MINDY4: variants seen among roughly 807,000 people sequenced by gnomAD.
MINDY4 encodes the protein MINDY lysine 48 deubiquitinase 4.
In MINDY4, 68 loss-of-function variants were observed where a neutral mutation model predicts 87.0. The observed-to-expected ratio is 0.78, with a 90% CI of 0.64 to 0.96. MINDY4 has a LOEUF of 0.96. Ranked by LOEUF, MINDY4 falls within the 40% of genes least tolerant of loss-of-function variation. The probability of loss-of-function intolerance (pLI) is 0.00; values close to 1 mark genes in which losing one functional copy is unlikely to be tolerated. For missense variants in MINDY4, 919 were observed against 928.2 expected (o/e 0.99, Z 0.13); for synonymous variants, 379 against 363.2 (o/e 1.04, Z -0.50).
In MINDY4 at chr7:30,872,267, C is replaced by T; in HGVS notation, c.1770C>T (p.Pro590=). 2 of 1,614,150 alleles carry T rather than the reference C, an allele frequency of 1.2e-6. No individual in the cohort carries two copies. Among genetic ancestry groups the T allele is most frequent in the East Asian group, 4.5e-5 (2 of 44,888 alleles). Residue 590 remains proline (P), a synonymous_variant, in exon 14 of 18, where the codon CCC becomes CCT. Transcript: ENST00000265299. ...GCATCCGCCAGGACTTTGATGTCCC[C>T]ACCAGCCACCTGATTGGAGCACATG... is the stretch of plus-strand genomic sequence containing the variant. ...TELIRQDFDV[P]TSHLIGAHGY...
In MINDY4 at chr7:30,872,226, C is replaced by A. The variant is rs747646353; in HGVS notation, c.1746-17C>A. The A allele has an allele frequency of 5.0e-5, 80 of 1,613,746 alleles. No homozygotes were observed. Among genetic ancestry groups the A allele is most frequent in the Non-Finnish European group, 6.4e-5 (76 of 1,179,834 alleles). On this transcript the variant is annotated splice_polypyrimidine_tract_variant and intron_variant, in intron 13 of 17. Coordinates refer to ENST00000265299, the MANE Select transcript of MINDY4 (RefSeq NM_032222.3). ...GTCAGGCAGAGCTGTGCTAACAATG[C>A]TTCTTGTGTTTTCCAGCATCCGCCA...
intron 5 of MINDY4, among the ~76,000 whole-genome samples, chr7:30,799,038 G>T (rs1054794051): frequency 1.3e-5 from 2 of 152,096 alleles, no homozygotes; most frequent in Non-Finnish European, 2.9e-5. Context: ...ACTGTCTAAG[G>T]ACAGTAAAAG....
chr7:30,880,703 G>C (rs7783146), intron 15 of MINDY4, among the ~76,000 whole-genome samples: 1 of 152,156 alleles, frequency 6.6e-6, no homozygotes, highest in African/African-American at 2.4e-5. Flanking sequence ...GTCCAGCCAC[G>C]TCCTGTAAGA....
chr7:30,881,164 C>T (rs1156979058), intron 15 of MINDY4, among the ~76,000 whole-genome samples: 1 of 152,144 alleles, frequency 6.6e-6, no homozygotes. Context: ...TAAACCAGGG[C>T]CCAGGGTCAG....
chr7:30,841,717 C>G (rs924679651), intron 9 of MINDY4, among the ~76,000 whole-genome samples: 1 of 152,164 alleles, frequency 6.6e-6, no homozygotes, highest in Non-Finnish European at 1.5e-5. Flanking sequence ...TATCACAAAA[C>G]CGCACACCCA....
intron 4 of MINDY4, among the ~76,000 whole-genome samples, chr7:30,786,958 A>C (rs949691654): frequency 1.3e-5 from 2 of 152,234 alleles, no homozygotes; most frequent in African/African-American, 2.4e-5. Context: ...AGCCTGAGCC[A>C]ATCAAAAACA....
intron 13 of MINDY4, among the ~76,000 whole-genome samples, chr7:30,859,818 A>AGG (rs1199476365): frequency 1.3e-5 from 2 of 152,116 alleles, no homozygotes; most frequent in Non-Finnish European, 2.9e-5. Context: ...GAGAGGTGGC[A>AGG]GGGCGGCTTG....
chr7:30,871,323 G>A (rs1790101031), intron 13 of MINDY4, among the ~76,000 whole-genome samples: 1 of 152,246 alleles, frequency 6.6e-6, no homozygotes, highest in Non-Finnish European at 1.5e-5. Context: ...TGAGTAGATA[G>A]CAGCTCCTTC....
chr7:30,807,764 AATT>A (rs1298132435), intron 5 of MINDY4, among the ~76,000 whole-genome samples: 1 of 152,116 alleles, frequency 6.6e-6, no homozygotes, highest in Admixed American at 6.5e-5. Context: ...GTTCTGTTCT[AATT>A]ACCGGTGCAT....
chr7:30,825,135 A>G (rs569090259), intron 5 of MINDY4, among the ~76,000 whole-genome samples: 2 of 152,326 alleles, frequency 1.3e-5, no homozygotes, highest in Admixed American at 1.3e-4. Context: ...AAGTGTTTTG[A>G]GTCCCTTGAT....
At chr7:30,844,104 G>T (rs1458938887) in intron 9 of MINDY4, among the ~76,000 whole-genome samples, 1 of 152,160 alleles carries the variant, frequency 6.6e-6, no homozygotes, top group East Asian at 1.9e-4. Context: ...CCTGGACTGG[G>T]TGCTGCTTGT....
At chr7:30,829,838 C>T (rs149737262) in intron 6 of MINDY4, among the ~76,000 whole-genome samples, 203 of 152,304 alleles carry the variant, frequency 1.3e-3, no homozygotes, top group African/African-American at 4.4e-3. Context: ...ACAAGAAAAG[C>T]GGTTCCTGGT....
In MINDY4 at chr7:30,875,581, C is replaced by T. The variant is rs1353761310; in HGVS notation, c.1896C>T (p.Ile632=). Residue 632 remains isoleucine (I), a synonymous_variant, in exon 15 of 18, where the codon ATC becomes ATT. Coordinates refer to ENST00000265299, the MANE Select transcript of MINDY4 (RefSeq NM_032222.3). ...AGCTGGATTCTGGGGATGGGAACAT[C>T]ACACTTCTCAGAGGCATTGCTGCAC... The part of the protein sequence containing the change: ...VVELDSGDGN[I]TLLRGIAARS... 1 of 1,614,220 alleles carries T rather than the reference C, an allele frequency of 6.2e-7. No homozygotes were observed. The highest frequency in any genetic ancestry group is 1.7e-5 in the Admixed American group (1 of 60,020).
intron 5 of MINDY4, among the ~76,000 whole-genome samples, chr7:30,819,376 A>G (rs1012007696): frequency 6.6e-6 from 1 of 152,176 alleles, no homozygotes; most frequent in East Asian, 1.9e-4. Context: ...TTGTAATCAG[A>G]AACACAGTTT....
At chr7:30,819,227 C>G (rs944225876) in intron 5 of MINDY4, among the ~76,000 whole-genome samples, 3 of 152,096 alleles carry the variant, frequency 2.0e-5, no homozygotes, top group African/African-American at 7.2e-5. Flanking sequence ...TCCCGTAAGA[C>G]TTTATAAGTT....
intron 11 of MINDY4, 76 bp from the exon 12 acceptor site, chr7:30,853,318 G>T: frequency 8.0e-7 from 1 of 1,257,352 alleles, no homozygotes; most frequent in South Asian, 1.3e-5. Flanking sequence ...ACTAAAGCCA[G>T]GGAGCAGAAG....
chr7:30,859,017 C>G (rs1345663397), intron 12 of MINDY4: 1 of 706,260 alleles, frequency 1.4e-6, no homozygotes, highest in South Asian at 1.5e-5. Flanking sequence ...TCTGAGGTCA[C>G]TGATGCTCTC....
intron 9 of MINDY4, among the ~76,000 whole-genome samples, chr7:30,842,100 G>T (rs1789055934): frequency 6.6e-6 from 1 of 152,172 alleles, no homozygotes; most frequent in Non-Finnish European, 1.5e-5. Context: ...TTCATGCTTG[G>T]CATCTTAAAA....
chr7:30,838,930 G>A (rs763772665), intron 7 of MINDY4, among the ~76,000 whole-genome samples: 1 of 152,208 alleles, frequency 6.6e-6, no homozygotes, highest in Non-Finnish European at 1.5e-5. Flanking sequence ...CAAGGCCCCT[G>A]TAAGGAGCTT....
Sources: allele counts gnomAD v4.1 joint callset (sites outside exome capture counted in the v4.1 genomes callset), GRCh38; gene constraint gnomAD v4.1.1; transcripts MANE v1.5; gene names NCBI Gene and HGNC (gene_info 2026-07-23, HGNC 2026-07-21).